Variants in GPATCH2 observed in about 807,000 individuals in gnomAD.
GPATCH2 encodes the protein G-patch domain containing 2.
In GPATCH2, 51 loss-of-function variants were observed where a neutral mutation model predicts 58.0. The ratio of observed to expected loss-of-function variants is 0.88; its 90% CI spans 0.70 to 1.11. The LOEUF is 1.11. Ranked by LOEUF, GPATCH2 falls within the 50% of genes most tolerant of loss-of-function variation. The probability of loss-of-function intolerance (pLI) is 0.00; values close to 1 mark genes in which losing one functional copy is unlikely to be tolerated. For synonymous variants in GPATCH2, 222 were observed against 218.5 expected (o/e 1.02, Z -0.14); for missense variants, 625 against 652.2 (o/e 0.96, Z 0.45).
At chr1:217,515,727 A>AT (rs1427764360) in intron 5 of GPATCH2, among the ~76,000 whole-genome samples, 1 of 151,838 alleles carries the variant, frequency 6.6e-6, no homozygotes, top group African/African-American at 2.4e-5. Flanking sequence ...CTAAAAAAAA[A>AT]TTTTAAAAAA....
chr1:217,571,975 AAG>A, intron 5 of GPATCH2, among the ~76,000 whole-genome samples: 1 of 147,180 alleles, frequency 6.8e-6, no homozygotes. Flanking sequence ...GAAGGAAAGA[AAG>A]AAAGAAGGAA....
At chr1:217,519,192 C>T (rs1346552353) in intron 5 of GPATCH2, among the ~76,000 whole-genome samples, 1 of 152,128 alleles carries the variant, frequency 6.6e-6, no homozygotes, top group African/African-American at 2.4e-5. Flanking sequence ...AATGAGCACA[C>T]CTTTGTTTTA....
intron 9 of GPATCH2, among the ~76,000 whole-genome samples, chr1:217,434,556 A>G (rs1202400515): frequency 6.6e-6 from 1 of 152,172 alleles, no homozygotes; most frequent in Non-Finnish European, 1.5e-5. Flanking sequence ...CCCTAAGCTA[A>G]AGTCAGACCA....
intron 7 of GPATCH2, among the ~76,000 whole-genome samples, chr1:217,496,007 G>A (rs1001711129): frequency 5.3e-5 from 8 of 152,082 alleles, no homozygotes; most frequent in African/African-American, 1.9e-4. Context: ...AAAAGCATAA[G>A]GTAATCATGC....
intron 8 of GPATCH2, among the ~76,000 whole-genome samples, chr1:217,450,087 G>A (rs1659589237): frequency 6.6e-6 from 1 of 152,100 alleles, no homozygotes; most frequent in Non-Finnish European, 1.5e-5. Flanking sequence ...GGGCCAGTTA[G>A]AAATCAAGAC....
At chr1:217,522,869 T>G (rs1426470821) in intron 5 of GPATCH2, among the ~76,000 whole-genome samples, 1 of 151,492 alleles carries the variant, frequency 6.6e-6, no homozygotes, top group Non-Finnish European at 1.5e-5. Context: ...CAAAATTAAG[T>G]TTATATTTAG....
intron 8 of GPATCH2, among the ~76,000 whole-genome samples, chr1:217,458,582 G>A (rs1416315857): frequency 6.6e-6 from 1 of 151,972 alleles, no homozygotes; most frequent in African/African-American, 2.4e-5. Flanking sequence ...TATTTTTCCA[G>A]GTCCTTTAGA....
intron 8 of GPATCH2, among the ~76,000 whole-genome samples, chr1:217,477,269 G>T (rs571756053): frequency 1.1e-3 from 167 of 152,272 alleles, no homozygotes; most frequent in Non-Finnish European, 2.0e-3. Flanking sequence ...GTAAGCCTCT[G>T]AGACTTGCTA....
intron 1 of GPATCH2, among the ~76,000 whole-genome samples, chr1:217,621,310 A>T (rs1193936546): frequency 6.6e-6 from 1 of 152,238 alleles, no homozygotes; most frequent in Non-Finnish European, 1.5e-5. Context: ...TTGGGGTGAC[A>T]TACAGCCAAG....
At chr1:217,451,940 A>G (rs959103982) in intron 8 of GPATCH2, among the ~76,000 whole-genome samples, 2 of 152,176 alleles carry the variant, frequency 1.3e-5, no homozygotes, top group Admixed American at 6.6e-5. Context: ...TCTGAGTGAT[A>G]AAGAGTTTGC....
At chr1:217,500,006 T>A (rs1377799557) in intron 6 of GPATCH2, among the ~76,000 whole-genome samples, 1 of 152,154 alleles carries the variant, frequency 6.6e-6, no homozygotes, top group Admixed American at 6.6e-5. Flanking sequence ...AGCTCTTTTT[T>A]AACTCCCAAC....
At chr1:217,527,933 T>C (rs1664000910) in intron 5 of GPATCH2, among the ~76,000 whole-genome samples, 2 of 152,202 alleles carry the variant, frequency 1.3e-5, no homozygotes, top group Non-Finnish European at 2.9e-5. Context: ...CTAAACTGTG[T>C]TCATTTAGTT....
intron 5 of GPATCH2, among the ~76,000 whole-genome samples, chr1:217,530,864 A>C (rs1331971452): frequency 6.6e-6 from 1 of 152,222 alleles, no homozygotes; most frequent in Admixed American, 6.5e-5. Flanking sequence ...AGTTAAAATA[A>C]AACACAGAAG....
intron 9 of GPATCH2, among the ~76,000 whole-genome samples, chr1:217,438,373 A>G (rs1658951064): frequency 6.6e-6 from 1 of 152,146 alleles, no homozygotes; most frequent in Admixed American, 6.6e-5. Context: ...AAAACTGGAG[A>G]ATGAGTTTGA....
chr1:217,594,848 C>T (rs1044111180), intron 5 of GPATCH2, among the ~76,000 whole-genome samples: 6 of 152,158 alleles, frequency 3.9e-5, no homozygotes, highest in African/African-American at 1.4e-4. Flanking sequence ...CTTTGCCCTC[C>T]TTGTCCTTCA....
At chr1:217,608,774 C>A in intron 5 of GPATCH2, 1 of 982,554 alleles carries the variant, frequency 1.0e-6, no homozygotes, top group Non-Finnish European at 1.2e-6. Context: ...AATTTTCACT[C>A]CAAAGACATA....
intron 9 of GPATCH2, among the ~76,000 whole-genome samples, chr1:217,435,636 A>C (rs761345597): frequency 6.6e-6 from 1 of 152,090 alleles, no homozygotes; most frequent in Non-Finnish European, 1.5e-5. Context: ...TCTTTTCACC[A>C]TTACTTGACT....
chr1:217,513,979 C>T (rs1489311263), intron 6 of GPATCH2, among the ~76,000 whole-genome samples: 2 of 151,836 alleles, frequency 1.3e-5, no homozygotes, highest in African/African-American at 4.8e-5. Context: ...CATGCGCCAC[C>T]ACGACCAGCT....
At chr1:217,585,257 C>A (rs1322558186) in intron 5 of GPATCH2, among the ~76,000 whole-genome samples, 1 of 151,814 alleles carries the variant, frequency 6.6e-6, no homozygotes, top group Non-Finnish European at 1.5e-5. Flanking sequence ...CTGCTGAATT[C>A]CATAGTAGAA....
Sources: allele counts gnomAD v4.1 joint callset (sites outside exome capture counted in the v4.1 genomes callset), GRCh38; gene constraint gnomAD v4.1.1; transcripts MANE v1.5; gene names NCBI Gene and HGNC (gene_info 2026-07-23, HGNC 2026-07-21).